ELFN1: variants seen among roughly 807,000 people sequenced by gnomAD.
ELFN1 encodes protein ELFN1.
ELFN1 carries 6 observed loss-of-function variants against 7.6 expected under a neutral mutation model. The observed-to-expected ratio is 0.79, with a 90% CI of 0.43 to 1.56. The LOEUF is 1.56. ELFN1 is among the 40% of genes most tolerant of loss of function. The pLI, the probability that ELFN1 is intolerant of heterozygous loss-of-function variation, is 0.01. For missense variants in ELFN1, 1,169 were observed against 1,232.2 expected, an observed-to-expected ratio of 0.95 and a Z score of 0.77; for synonymous variants, 657 against 588.1, an observed-to-expected ratio of 1.12 and a Z score of -1.70.
At chr7:1,694,554 C>T (rs540383190) in intron 2 of ELFN1, among the ~76,000 whole-genome samples, 12 of 152,292 alleles carry the variant, frequency 7.9e-5, no homozygotes, top group Non-Finnish European at 1.2e-4. Flanking sequence ...CTCAATAGGC[C>T]GGAGCTTATG....
In ELFN1 at chr7:1,693,670, C is replaced by T. The variant is rs112752631; in HGVS notation, c.-456+5520C>T. The T allele has an allele frequency of 8.3e-4, 393 of 471,056 alleles. 2 individuals are homozygous for T. The highest frequency in any genetic ancestry group is 6.9e-3 in the African/African-American group (344 of 50,202). The allele number at this position is 471,056 out of a possible 1,614,324, so 29.2% of individuals were successfully genotyped here. On this transcript the variant is annotated intron_variant, in intron 2 of 3. Transcript: ENST00000424383. ...ACATGCAGGTGAGCACAGACACATGCGTGCATGCCCTCTGTGTGTCTACAG... is the reference window on the plus strand; with the variant it reads ...ACATGCAGGTGAGCACAGACACATGTGTGCATGCCCTCTGTGTGTCTACAG...
chr7:1,715,732 G>A (rs1015927786), intron 3 of ELFN1, among the ~76,000 whole-genome samples: 1 of 152,154 alleles, frequency 6.6e-6, no homozygotes, highest in African/African-American at 2.4e-5. Flanking sequence ...CAGACAGAAG[G>A]CGTGGCTGCA....
At chr7:1,674,348 G>A (rs577908046) in intron 1 of ELFN1, among the ~76,000 whole-genome samples, 58 of 152,286 alleles carry the variant, frequency 3.8e-4, no homozygotes, top group Non-Finnish European at 6.6e-4. Flanking sequence ...GGGAGACCCT[G>A]GAGTCTCAGG....
chr7:1,701,667 A>T (rs1380341091), intron 2 of ELFN1, among the ~76,000 whole-genome samples: 5 of 151,958 alleles, frequency 3.3e-5, no homozygotes, highest in Non-Finnish European at 7.4e-5. Context: ...TGGAGCACAG[A>T]TGTGCATGCT....
At chr7:1,738,418 C>T (rs1002916714) in intron 3 of ELFN1, among the ~76,000 whole-genome samples, 9 of 152,124 alleles carry the variant, frequency 5.9e-5, no homozygotes, top group African/African-American at 2.2e-4. Flanking sequence ...GAGGGGGTAA[C>T]AGGGAAGCAT....
At chr7:1,736,060 G>A (rs1490977125) in intron 3 of ELFN1, among the ~76,000 whole-genome samples, 2 of 152,186 alleles carry the variant, frequency 1.3e-5, no homozygotes, top group Admixed American at 6.5e-5. Flanking sequence ...TAGCTGGGCC[G>A]GGTCACCGTG....
intron 3 of ELFN1, among the ~76,000 whole-genome samples, chr7:1,718,363 C>T (rs1048102210): frequency 2.0e-5 from 3 of 152,156 alleles, no homozygotes; most frequent in Admixed American, 6.5e-5. Context: ...ACCCTGGGGC[C>T]GCAGTACCTT....
intron 2 of ELFN1, among the ~76,000 whole-genome samples, chr7:1,696,284 G>T (rs1779309458): frequency 6.6e-6 from 1 of 151,672 alleles, no homozygotes; most frequent in African/African-American, 2.4e-5. Flanking sequence ...GATGGAGAGA[G>T]AGAGAGAGAG....
At position 1,670,777 on chromosome 7, in the gene ELFN1, G is replaced by C. The variant is rs1419723462; in HGVS notation, c.-549+423G>C. Among the ~76,000 whole-genome samples, 1 of 152,120 alleles carries C rather than the reference G, an allele frequency of 6.6e-6. No homozygotes were observed. The highest frequency in any genetic ancestry group is 1.5e-5 in the Non-Finnish European group (1 of 68,026). ...GGGGCTGTCCTCACCTCCTGGCCGA[G>C]TCGCTGACCCCTCCCCAGGCTCGCA... On this transcript the variant is annotated intron_variant, in intron 1 of 3. Transcript: ENST00000424383. This position sits in a 1 kb window ranked among gnomAD's most constrained non-coding sequence, Gnocchi z 6.4.
chr7:1,703,674 G>A (rs551046947), intron 2 of ELFN1, among the ~76,000 whole-genome samples: 4 of 152,262 alleles, frequency 2.6e-5, no homozygotes, highest in African/African-American at 9.6e-5. Context: ...GAGATTAAAG[G>A]AAGCAGGGAG....
rs574129820 is a variant in ELFN1, at chr7:1,707,902, C to T, written c.-455-1189C>T. Among the ~76,000 whole-genome samples the T allele has an allele frequency of 9.2e-5, 14 of 152,282 alleles. No individual in the cohort carries two copies. In the East Asian group the frequency reaches 1.7e-3, roughly 19 times the overall value. The stretch of plus-strand genomic sequence containing the variant: ...TACTCTGTCCCTGGAGCTGTGGGAG[C>T]GGGGCACAGGCAGACAGACAGACCG... On this transcript the variant is annotated intron_variant, in intron 2 of 3. Coordinates refer to ENST00000424383, the MANE Select transcript of ELFN1 (RefSeq NM_001128636.4).
chr7:1,725,873 G>A (rs1469716508), intron 3 of ELFN1, among the ~76,000 whole-genome samples: 3 of 151,638 alleles, frequency 2.0e-5, no homozygotes, highest in Admixed American at 6.6e-5. Flanking sequence ...GTACACACTC[G>A]CACAAAAATC....
chr7:1,675,515 A>G (rs1003843853), intron 1 of ELFN1, among the ~76,000 whole-genome samples: 1 of 152,226 alleles, frequency 6.6e-6, no homozygotes, highest in African/African-American at 2.4e-5. Context: ...GATCAAACTC[A>G]GGCACCTCTT....
rs1778816103 is a variant in ELFN1 at position 1,673,908 on chromosome 7, A to T, written c.-549+3554A>T. Among the ~76,000 whole-genome samples, 1 of 152,080 alleles carries T rather than the reference A, an allele frequency of 6.6e-6. No homozygotes were observed. The highest frequency in any genetic ancestry group is 1.5e-5 in the Non-Finnish European group (1 of 68,006). ...GGGGCAGCTGGGGTCTTGGTCTTGG[A>T]GAAGAGCTGGAACCCAGGCTGAGGC... On this transcript the variant is annotated intron_variant, in intron 1 of 3. Transcript: ENST00000424383. The surrounding 1 kb of genome is among the most constrained non-coding windows in gnomAD (Gnocchi z 4.7).
chr7:1,688,968 C>A (rs1042318299), intron 2 of ELFN1, among the ~76,000 whole-genome samples: 1 of 152,180 alleles, frequency 6.6e-6, no homozygotes, highest in East Asian at 1.9e-4. Flanking sequence ...ATAAACACAT[C>A]ATAAGTCAAC....
At chr7:1,697,017 G>A (rs551935849) in intron 2 of ELFN1, among the ~76,000 whole-genome samples, 20 of 152,322 alleles carry the variant, frequency 1.3e-4, no homozygotes, top group Admixed American at 1.3e-3. Context: ...CAGAGGAGGT[G>A]ACTCGCCCAG....
chr7:1,706,631 C>T (rs555506174), intron 2 of ELFN1, among the ~76,000 whole-genome samples: 2 of 152,166 alleles, frequency 1.3e-5, no homozygotes, highest in Non-Finnish European at 2.9e-5. Context: ...AATGCCTGAT[C>T]GATGCTGGCT....
rs189644323 is a variant in ELFN1, at chr7:1,683,851, T to G, written c.-548-4207T>G. On this transcript the variant is annotated intron_variant, in intron 1 of 3. Transcript: ENST00000424383. ...TCTTAAAGTCTATTTTATCTGACAT[T>G]AATTTACCTACTCCAGGTTGGGTGT... Among the ~76,000 whole-genome samples the G allele has an allele frequency of 3.3e-5, 5 of 152,366 alleles. No individual in the cohort carries two copies. In the East Asian group the frequency reaches 9.6e-4, roughly 29 times the overall value.
In ELFN1 at chr7:1,721,248, A is replaced by G. The variant is rs764422697; in HGVS notation, c.-294+11996A>G. On this transcript the variant is annotated intron_variant, in intron 3 of 3. Coordinates refer to ENST00000424383, the MANE Select transcript of ELFN1 (RefSeq NM_001128636.4). ...CACTCACCCTCCTCCTGGCTGCCCA[A>G]CCAGGCCTGATGTTTTCAGGGAGCT... 7.9e-5 allele frequency among the ~76,000 whole-genome samples: 12 copies of G among 152,294 alleles called. No individual in the cohort carries two copies. The South Asian group carries it at 1.0e-3, about 13-fold the overall frequency.
Sources: allele counts gnomAD v4.1 joint callset (sites outside exome capture counted in the v4.1 genomes callset), GRCh38; gene constraint gnomAD v4.1.1; non-coding constraint Gnocchi (gnomAD v3.1); transcripts MANE v1.5; gene names NCBI Gene and HGNC (gene_info 2026-07-23, HGNC 2026-07-21).